Variants in TFAP2E observed in about 807,000 individuals in gnomAD.
TFAP2E encodes the protein transcription factor AP-2-epsilon.
TFAP2E carries 30 observed loss-of-function variants against 37.9 expected under a neutral mutation model. The ratio of observed to expected loss-of-function variants is 0.79; its 90% CI spans 0.59 to 1.07. The LOEUF is 1.07. Among genes scored for constraint, TFAP2E ranks in the 50% least tolerant of loss-of-function variants. TFAP2E has a pLI of 0.00. For missense variants in TFAP2E, 567 were observed against 637.9 expected, an observed-to-expected ratio of 0.89 and a Z score of 1.20; for synonymous variants, 318 against 295.8, an observed-to-expected ratio of 1.08 and a Z score of -0.77.
In TFAP2E at chr1:35,589,973, G is replaced by C; in HGVS notation, c.829G>C (p.Glu277Gln). ...NGGRCLRERL[E>Q]KIGLNLPAGR... is the part of the protein sequence containing the mutation. ...GGGCCGGTGTTTGCGGGAACGGTTA[G>C]AGAAGATTGGGCTCAACCTGCCAGC... Residue 277 changes from glutamate to glutamine, a missense_variant, in exon 5 of 7, where the codon GAG becomes CAG. Coordinates refer to ENST00000373235, the MANE Select transcript of TFAP2E (RefSeq NM_178548.4). The C allele has an allele frequency of 2.5e-6, 4 of 1,614,154 alleles. No individual in the cohort carries two copies. In the South Asian group the frequency reaches 4.4e-5, roughly 18 times the overall value.
intron 2 of TFAP2E, 93 bp from the exon 3 acceptor site, chr1:35,574,856 G>A (rs1164023819): frequency 5.7e-6 from 9 of 1,570,124 alleles, no homozygotes; most frequent in South Asian, 2.2e-5. Context: ...CGCCTTGGGC[G>A]GAGCAGACAG....
chr1:35,580,052 CAA>C (rs11362556), intron 3 of TFAP2E, among the ~76,000 whole-genome samples: 8 of 151,974 alleles, frequency 5.3e-5, no homozygotes, highest in African/African-American at 1.9e-4. Context: ...ACTAAAAATA[CAA>C]AAAAAATTAG....
chr1:35,574,999 A>G lies in TFAP2E; in HGVS notation c.561A>G (p.Lys187=). The G allele has an allele frequency of 6.2e-7, 1 of 1,613,946 alleles. No individual in the cohort carries two copies. The highest frequency in any genetic ancestry group is 8.5e-7 in the Non-Finnish European group (1 of 1,179,988). Residue 187 remains lysine (K), a splice_region_variant and synonymous_variant, in exon 3 of 7, where the codon AAA becomes AAG. Transcript: ENST00000373235. ...TCCTAGACCAGTCCGTGATCAAGAA[A>G]GGTAAGGAATGGTCTGTCAGGGCAG... The part of the protein sequence containing the change: ...MSLLDQSVIK[K]VPIPSKASSL...
chr1:35,594,823 TGG>T lies in TFAP2E; in HGVS notation c.*148_*149del. ...TCCAGAGATCCCAGAGTTGGGGATCTGGCTTGGAGTAAGGGAGGGTGGCCTCT... is the reference window on the plus strand; with the variant it reads ...TCCAGAGATCCCAGAGTTGGGGATCTCTTGGAGTAAGGGAGGGTGGCCTCT... On this transcript the variant is annotated 3_prime_UTR_variant, in exon 7 of 7. Transcript: ENST00000373235. 8.0e-7 allele frequency: 1 copy of T among 1,256,020 alleles called. No individual in the cohort carries two copies. The highest frequency in any genetic ancestry group is 1.1e-6 in the Non-Finnish European group (1 of 917,354). 77.8% of individuals were successfully genotyped at this position (1,256,020 alleles called of 1,614,324 possible).
chr1:35,595,535 T>C (rs892501896), downstream of TFAP2E, among the ~76,000 whole-genome samples: 2 of 152,200 alleles, frequency 1.3e-5, no homozygotes, highest in Non-Finnish European at 2.9e-5. Flanking sequence ...GCCCCTGCAG[T>C]TGATGTACCT....
At position 35,580,093 on chromosome 1, in the gene TFAP2E, C is replaced by T. The variant is rs374588073; in HGVS notation, c.562+5093C>T. Among the ~76,000 whole-genome samples, 16 of 152,210 alleles carry T rather than the reference C, an allele frequency of 1.1e-4. No individual in the cohort carries two copies. The East Asian group carries it at 1.7e-3, about 17-fold the overall frequency. On this transcript the variant is annotated intron_variant, in intron 3 of 6. Coordinates refer to ENST00000373235, the MANE Select transcript of TFAP2E (RefSeq NM_178548.4). ...GGCATGGTGGTGCACGCCTGTAGTC[C>T]CAGCTACTCCGGAGGCTGAGACAGG...
chr1:35,579,079 CAAAAAAA>C (rs578084271), intron 3 of TFAP2E, among the ~76,000 whole-genome samples: 32 of 16,838 alleles, frequency 1.9e-3, no homozygotes, highest in Non-Finnish European at 3.6e-3. Context: ...GAGACTATCT[CAAAAAAA>C]AAAAAAAAAA....
rs1345529065 is a variant in TFAP2E, at chr1:35,594,818, G to A, written c.*142G>A. 82 of 1,327,138 alleles carry A rather than the reference G, an allele frequency of 6.2e-5. No homozygotes were observed. The East Asian group carries it at 2.0e-3, about 32-fold the overall frequency. 82.2% of individuals were successfully genotyped at this position (1,327,138 alleles called of 1,614,324 possible). A position where few individuals can be genotyped will look rare whatever the true frequency, so the allele number is the denominator to read the frequency against. On this transcript the variant is annotated 3_prime_UTR_variant, in exon 7 of 7. Coordinates refer to ENST00000373235, the MANE Select transcript of TFAP2E (RefSeq NM_178548.4). ...ATTCATCCAGAGATCCCAGAGTTGGGGATCTGGCTTGGAGTAAGGGAGGGT... is the reference window on the plus strand; with the variant it reads ...ATTCATCCAGAGATCCCAGAGTTGGAGATCTGGCTTGGAGTAAGGGAGGGT...
In TFAP2E at chr1:35,573,525, G is replaced by A. The variant is rs1649069926; in HGVS notation, c.-53G>A. ...GGCGCCTCTGCCCGCAGCGCTCGCC[G>A]TCGGGCTAGGGCTCCGCCGCCGCCA... On this transcript the variant is annotated 5_prime_UTR_variant, in exon 1 of 7. Transcript: ENST00000373235. The surrounding 1 kb of genome is among the most constrained non-coding windows in gnomAD (Gnocchi z 5.9). 2.0e-6 allele frequency: 3 copies of A among 1,470,010 alleles called. No homozygotes were observed. Among genetic ancestry groups the A allele is most frequent in the Non-Finnish European group, 1.8e-6 (2 of 1,113,026 alleles). The allele number at this position is 1,470,010 out of a possible 1,614,324, so 91.1% of individuals were successfully genotyped here.
rs1446745341 is a variant in TFAP2E, at chr1:35,574,963, G to C, written c.525G>C (p.Pro175=). ...GCTATTTGCAGGCAATGGACGAGCC[G>C]GGAATGAGCCTCCTAGACCAGTCCG... ...GLEDLQAMDE[P]GMSLLDQSVI... The change falls in exon 3 of 7, where the codon CCG becomes CCC. Residue 175 remains proline, a synonymous_variant. Coordinates refer to ENST00000373235, the MANE Select transcript of TFAP2E (RefSeq NM_178548.4). 3 of 1,613,856 alleles carry C rather than the reference G, an allele frequency of 1.9e-6. No individual in the cohort carries two copies. Among genetic ancestry groups the C allele is most frequent in the Non-Finnish European group, 1.7e-6 (2 of 1,180,010 alleles).
intron 3 of TFAP2E, among the ~76,000 whole-genome samples, chr1:35,587,293 G>T (rs1247011014): frequency 6.6e-6 from 1 of 152,208 alleles, no homozygotes; most frequent in Non-Finnish European, 1.5e-5. Flanking sequence ...AGGTTAGACT[G>T]CAGGAAGAAC....
chr1:35,585,856 C>G (rs1649465546), intron 3 of TFAP2E, among the ~76,000 whole-genome samples: 1 of 152,114 alleles, frequency 6.6e-6, no homozygotes, highest in Non-Finnish European at 1.5e-5. Flanking sequence ...CAAGACCAGT[C>G]TGGGCAACAT....
intron 3 of TFAP2E, among the ~76,000 whole-genome samples, chr1:35,580,283 AG>A (rs752334362): frequency 1.3e-5 from 2 of 152,084 alleles, no homozygotes; most frequent in Non-Finnish European, 2.9e-5. Context: ...CCAGCAGGGG[AG>A]ATGAGGAGAC....
rs1649115992 is a variant in TFAP2E at position 35,574,631 on chromosome 1, C to T, written c.510+222C>T. 3.8e-6 allele frequency: 3 copies of T among 787,110 alleles called. No homozygotes were observed. In the East Asian group the frequency reaches 8.3e-5, roughly 22 times the overall value. The allele number at this position is 787,110 out of a possible 1,614,324, so 48.8% of individuals were successfully genotyped here. On this transcript the variant is annotated intron_variant, in intron 2 of 6. Coordinates refer to ENST00000373235, the MANE Select transcript of TFAP2E (RefSeq NM_178548.4). ...CAGCAGTGCGTGGGTGGCAGCAACC[C>T]TCGGCAGGGACCGAATCACTTCTTT...
Position 35,573,342 on chromosome 1 carries a change from C to T in TFAP2E, c.-236C>T. 4.3e-6 allele frequency: 2 copies of T among 460,380 alleles called. No individual in the cohort carries two copies. Among genetic ancestry groups the T allele is most frequent in the Non-Finnish European group, 7.5e-6 (2 of 267,956 alleles). 28.5% of individuals were successfully genotyped at this position (460,380 alleles called of 1,614,324 possible). On this transcript the variant is annotated 5_prime_UTR_variant, in exon 1 of 7. Coordinates refer to ENST00000373235, the MANE Select transcript of TFAP2E (RefSeq NM_178548.4). The surrounding 1 kb of genome is among the most constrained non-coding windows in gnomAD (Gnocchi z 5.9). ...GGAGGAAGGGCGGGCGCTGGGCACC[C>T]GTTGACCGACTTTTCCAAGTGCGAT...
In TFAP2E at chr1:35,588,491, C is replaced by T; in HGVS notation, c.724C>T (p.Gln242Ter). ...SKYKVTVGEV[Q>*]RRLSPPECLN... is the part of the protein sequence containing the mutation. ...GTACAAGGTGACGGTGGGGGAGGTG[C>T]AGCGGCGACTCTCGCCTCCCGAGTG... The change falls in exon 4 of 7, where the codon CAG (glutamine) becomes TAG (stop). Residue 242 changes from glutamine to a stop codon, truncating the protein, a stop_gained. Transcript: ENST00000373235. LOFTEE classifies it high-confidence loss of function. This position sits in a 1 kb window ranked among gnomAD's most constrained non-coding sequence, Gnocchi z 5.1. 1 of 1,607,890 alleles carries T rather than the reference C, an allele frequency of 6.2e-7. No homozygotes were observed. The highest frequency in any genetic ancestry group is 8.5e-7 in the Non-Finnish European group (1 of 1,178,378).
chr1:35,583,655 A>G (rs1269593272), intron 3 of TFAP2E, among the ~76,000 whole-genome samples: 1 of 149,812 alleles, frequency 6.7e-6, no homozygotes, highest in African/African-American at 2.5e-5. Context: ...TGGCTTCTGC[A>G]TATGTGACCA....
At position 35,590,512 on chromosome 1, in the gene TFAP2E, A is replaced by ACC; in HGVS notation, c.905-122_905-121insCC. ...TGGAGCTGGGCTGGGAAGGAACATC[A>ACC]GAGGGGGCATCTACACAGGCAGGAT... On this transcript the variant is annotated intron_variant, in intron 5 of 6. Transcript: ENST00000373235. The surrounding 1 kb of genome is among the most constrained non-coding windows in gnomAD (Gnocchi z 6.2). 1 of 1,203,732 alleles carries ACC rather than the reference A, an allele frequency of 8.3e-7. No individual in the cohort carries two copies. The allele number at this position is 1,203,732 out of a possible 1,614,324, so 74.6% of individuals were successfully genotyped here. A position where few individuals can be genotyped will look rare whatever the true frequency, so the allele number is the denominator to read the frequency against.
At chr1:35,580,542 C>T (rs976912481) in intron 3 of TFAP2E, among the ~76,000 whole-genome samples, 2 of 151,858 alleles carry the variant, frequency 1.3e-5, no homozygotes, top group African/African-American at 2.4e-5. Flanking sequence ...GGGTGGATCA[C>T]GAGGTCAGGA....
Sources: gnomAD v4.1 joint callset for allele counts (sites outside exome capture counted in the v4.1 genomes callset) on GRCh38, gnomAD v4.1.1 for gene constraint, Gnocchi (gnomAD v3.1) non-coding constraint, MANE v1.5 for transcripts, NCBI Gene and HGNC (gene_info 2026-07-23, HGNC 2026-07-21) for gene names.